Variants in LILRB3 observed in about 807,000 individuals in gnomAD.
The protein encoded by LILRB3 is leukocyte immunoglobulin like receptor B3.
LILRB3 carries 32 observed loss-of-function variants against 68.2 expected under a neutral mutation model. The ratio of observed to expected loss-of-function variants is 0.47; its 90% CI spans 0.35 to 0.63. The LOEUF (loss-of-function observed/expected upper bound fraction) is 0.63, where lower values mean the gene tolerates loss of function less well. Ranked by LOEUF, LILRB3 falls within the 30% of genes least tolerant of loss-of-function variation. The probability of loss-of-function intolerance (pLI) is 0.00; values close to 1 mark genes in which losing one functional copy is unlikely to be tolerated. For missense variants in LILRB3, 502 were observed against 791.3 expected (o/e 0.63, Z 4.39); for synonymous variants, 185 against 323.1 (o/e 0.57, Z 4.58).
At chr19:54,219,086 C>T in intron 8 of LILRB3, 43 bp downstream of exon 8, 11 of 1,551,558 alleles carry the variant, frequency 7.1e-6, no homozygotes, top group Non-Finnish European at 8.7e-6. Flanking sequence ...GTGCCCTGAG[C>T]CCACCCTCGG....
In LILRB3 at chr19:54,218,752, G is replaced by C; in HGVS notation, c.1502+11C>G. 8 of 1,614,098 alleles carry C rather than the reference G, an allele frequency of 5.0e-6. No homozygotes were observed. Among genetic ancestry groups the C allele is most frequent in the Non-Finnish European group, 6.8e-6 (8 of 1,180,024 alleles). ...GTGGGTGGGAGTCTGTGGTCTTTGG[G>C]GCAGAATTACCTCCTCAGCAGGCCC... On this transcript the variant is annotated intron_variant, in intron 9 of 12. Coordinates refer to ENST00000445347, the Ensembl canonical transcript of LILRB3.
chr19:54,222,378 G>A, exon 3 of LILRB3: 1 of 1,607,454 alleles, frequency 6.2e-7, no homozygotes, highest in South Asian at 1.1e-5. Flanking sequence ...TCATGGATGG[G>A]ATGGAGAATC....
exon 13 of LILRB3, chr19:54,216,511 C>T (rs1480560302): frequency 2.3e-5 from 11 of 471,444 alleles, no homozygotes; most frequent in East Asian, 1.5e-4. Context: ...GGGGTTTCAC[C>T]GTGTTAGCCA....
intron 7 of LILRB3, chr19:54,219,954 T>C (rs2885368): frequency 0.21 from 236,536 of 1,146,082 alleles, 55,929 homozygotes; most frequent in East Asian, 0.45. Flanking sequence ...GCTGGGGCTG[T>C]CTTGCCCCCC....
Position 54,219,659 on chromosome 19 carries a change from T to G in LILRB3, c.1310-414A>C. 4.0e-6 allele frequency: 6 copies of G among 1,482,786 alleles called. No individual in the cohort carries two copies. In the South Asian group the frequency reaches 6.8e-5, roughly 17 times the overall value. 91.9% of individuals were successfully genotyped at this position (1,482,786 alleles called of 1,614,324 possible). On this transcript the variant is annotated intron_variant, in intron 7 of 12. Coordinates refer to ENST00000445347, the Ensembl canonical transcript of LILRB3. ...GGTCTGGGAGGTTCCCTGGGAGGCC[T>G]CCTCTCCCAGGAGGTCACAGCTGGG... is the stretch of plus-strand genomic sequence containing the variant.
At chr19:54,218,649 G>T (rs928856422) in exon 10 of LILRB3, 1 of 1,614,056 alleles carries the variant, frequency 6.2e-7, no homozygotes, top group African/African-American at 1.3e-5. Flanking sequence ...TCTTACAGAG[G>T]TTTTCTTCCT....
chr19:54,220,814 G>T (rs141363258), exon 6 of LILRB3: 3 of 1,460,274 alleles, frequency 2.1e-6, no homozygotes, highest in East Asian at 3.3e-5. Flanking sequence ...ACAGGGAGAC[G>T]GTGTCATAGA....
At chr19:54,216,682 A>C in exon 13 of LILRB3, 1 of 1,056,816 alleles carries the variant, frequency 9.5e-7, no homozygotes, top group East Asian at 7.1e-5. Context: ...AGTTTAAAAC[A>C]TTCACTGTTT....
intron 7 of LILRB3, chr19:54,219,616 C>T: frequency 1.3e-6 from 2 of 1,528,272 alleles, no homozygotes; most frequent in Admixed American, 2.0e-5. Flanking sequence ...TGGGACGGGA[C>T]AGGCCCCTGT....
rs918798174 is a variant in LILRB3, at chr19:54,218,221, C to G, written c.1593+140G>C. 8 of 1,184,238 alleles carry G rather than the reference C, an allele frequency of 6.8e-6. No individual in the cohort carries two copies. The East Asian group carries it at 1.6e-4, about 24-fold the overall frequency. The allele number at this position is 1,184,238 out of a possible 1,614,324, so 73.4% of individuals were successfully genotyped here. A position where few individuals can be genotyped will look rare whatever the true frequency, so the allele number is the denominator to read the frequency against. The stretch of plus-strand genomic sequence containing the variant: ...ACAGCAGAAGAGAGTGAGGTCACAG[C>G]AGGCGGGAGGCAGCATGCTGGACAA... On this transcript the variant is annotated intron_variant, in intron 11 of 12. Coordinates refer to ENST00000445347, the Ensembl canonical transcript of LILRB3.
exon 13 of LILRB3, chr19:54,216,847 T>C: frequency 7.2e-7 from 1 of 1,397,856 alleles, no homozygotes; most frequent in Non-Finnish European, 9.3e-7. Flanking sequence ...TACGTCTGTT[T>C]TTGTTTTTTG....
chr19:54,219,152 C>G (rs746731531), exon 8 of LILRB3: 1 of 1,605,436 alleles, frequency 6.2e-7, no homozygotes, highest in Admixed American at 1.7e-5. Flanking sequence ...TTTGCTGTGA[C>G]GCTGACGGAG....
rs148313260 is a variant in LILRB3, at chr19:54,217,335, C to T, written c.1733G>A (p.Arg578Lys). The change falls in exon 12 of 13, where the codon AGG (arginine) becomes AAG (lysine). Residue 578 changes from arginine to lysine, a missense_variant. This residue lies in a region of LILRB3 where 267 missense variants were observed against 245.5 expected (regional missense o/e 1.09). Coordinates refer to ENST00000445347, the Ensembl canonical transcript of LILRB3. ...AGGACTCACCTCAGTGTCCATCTGCCTGTCCTCTTCCACCTGTCTGTCCTT... is the reference window on the plus strand; with the variant it reads ...AGGACTCACCTCAGTGTCCATCTGCTTGTCCTCTTCCACCTGTCTGTCCTT... 2.2e-5 allele frequency: 35 copies of T among 1,585,352 alleles called. 2 individuals carry two copies. The highest frequency in any genetic ancestry group is 3.0e-5 in the Non-Finnish European group (35 of 1,165,158).
In LILRB3 at chr19:54,220,148, G is replaced by A. The variant is rs1194912326; in HGVS notation, c.1309+7C>T. The stretch of plus-strand genomic sequence containing the variant: ...GCGGCGCTCCCCAAGAGGCCTCAGT[G>A]ACTCACCAGGTGTGGAGGGCGGCCC... On this transcript the variant is annotated splice_region_variant and intron_variant, in intron 7 of 12. Transcript: ENST00000445347. The A allele has an allele frequency of 6.6e-7, 1 of 1,505,950 alleles. No individual in the cohort carries two copies. The highest frequency in any genetic ancestry group is 9.0e-7 in the Non-Finnish European group (1 of 1,115,776). The allele number at this position is 1,505,950 out of a possible 1,614,324, so 93.3% of individuals were successfully genotyped here.
rs1292139336 is a variant in LILRB3, at chr19:54,219,687, T to C, written c.1310-442A>G. On this transcript the variant is annotated intron_variant, in intron 7 of 12. Transcript: ENST00000445347. ...TCTCCCAGGAGGTCACAGCTGGGGG[T>C]CAGAGCTGAAAGGAACTTTCCCACC... The C allele has an allele frequency of 1.0e-5, 10 of 984,576 alleles. No homozygotes were observed. The South Asian group carries it at 3.3e-4, about 32-fold the overall frequency. 61.0% of individuals were successfully genotyped at this position (984,576 alleles called of 1,614,324 possible). A position where few individuals can be genotyped will look rare whatever the true frequency, so the allele number is the denominator to read the frequency against.
At chr19:54,222,829 G>GTCC (rs200031404) in intron 1 of LILRB3, 47 bp from the exon 2 acceptor site, 2 of 1,612,634 alleles carry the variant, frequency 1.2e-6, no homozygotes, top group South Asian at 2.2e-5. Flanking sequence ...GCCTGAGCAG[G>GTCC]TCCCCGCCCG....
rs747589208 is a variant in LILRB3, at chr19:54,218,688, G to A, written c.1503-6C>T. 1 of 1,614,208 alleles carries A rather than the reference G, an allele frequency of 6.2e-7. No homozygotes were observed. The highest frequency in any genetic ancestry group is 8.5e-7 in the Non-Finnish European group (1 of 1,180,034). ...CGTCAGCAGCTGGGCTGGACCTGGA[G>A]GAGGACATGGGAGTGTGAGGGGCAG... On this transcript the variant is annotated splice_polypyrimidine_tract_variant and splice_region_variant and intron_variant, in intron 9 of 12. Transcript: ENST00000445347.
intron 7 of LILRB3, chr19:54,219,685 G>A (rs1441633516): frequency 3.1e-5 from 31 of 984,964 alleles, no homozygotes; most frequent in East Asian, 1.1e-4. Context: ...CACAGCTGGG[G>A]GTCAGAGCTG....
chr19:54,217,658 C>T lies in LILRB3; in HGVS notation c.1594-184G>A, dbSNP rs1387559101. On this transcript the variant is annotated intron_variant, in intron 11 of 12. Transcript: ENST00000445347. The stretch of plus-strand genomic sequence containing the variant: ...GTGGTTCTGGCCTCTGCTCCTCACT[C>T]TGACCTTGCCCATTTGGCTGCAGCC... 19 of 1,000,928 alleles carry T rather than the reference C, an allele frequency of 1.9e-5. No homozygotes were observed. The East Asian group carries it at 5.0e-4, about 26-fold the overall frequency. The allele number at this position is 1,000,928 out of a possible 1,614,324, so 62.0% of individuals were successfully genotyped here.
Sources: allele counts gnomAD v4.1 joint callset, GRCh38; gene constraint gnomAD v4.1.1; regional missense constraint gnomAD v4.1.1; transcripts MANE v1.5; gene names NCBI Gene and HGNC (gene_info 2026-07-23, HGNC 2026-07-21).